The following SLC25A21 variants were observed in gnomAD, a reference collection of about 807,000 sequenced individuals.
The protein encoded by SLC25A21 is mitochondrial 2-oxodicarboxylate carrier.
SLC25A21 carries 47 observed loss-of-function variants against 43.8 expected under a neutral mutation model. The observed-to-expected ratio is 1.07, with a 90% CI of 0.85 to 1.37. The LOEUF (loss-of-function observed/expected upper bound fraction) is 1.37, where lower values mean the gene tolerates loss of function less well. Ranked by LOEUF, SLC25A21 falls within the 40% of genes most tolerant of loss-of-function variation. The pLI, the probability that SLC25A21 is intolerant of heterozygous loss-of-function variation, is 0.00. For missense variants in SLC25A21, 352 were observed against 350.2 expected (o/e 1.00, Z -0.04); for synonymous variants, 131 against 121.3 (o/e 1.08, Z -0.52).
chr14:36,810,778 C>A (rs999979456), intron 3 of SLC25A21, among the ~76,000 whole-genome samples: 4 of 149,706 alleles, frequency 2.7e-5, no homozygotes, highest in African/African-American at 4.9e-5. Context: ...TGGGACATGA[C>A]CCTTAGGAAA....
chr14:36,854,941 G>A lies in SLC25A21; in HGVS notation c.119+20015C>T, dbSNP rs986445260. Among the ~76,000 whole-genome samples the A allele has an allele frequency of 2.7e-5, 4 of 148,978 alleles. No homozygotes were observed. In the East Asian group the frequency reaches 6.0e-4, roughly 22 times the overall value. On this transcript the variant is annotated intron_variant, in intron 2 of 9. Transcript: ENST00000331299. ...TTTTCTGGGGCATGAGGTGGGGGGGGGTATTCTGCCATCCTTGGAATTGGA... is the reference window on the plus strand; with the variant it reads ...TTTTCTGGGGCATGAGGTGGGGGGGAGTATTCTGCCATCCTTGGAATTGGA...
At chr14:37,098,786 C>T (rs11850535) in intron 1 of SLC25A21, among the ~76,000 whole-genome samples, 124,681 of 139,090 alleles carry the variant, frequency 0.9, 55,574 homozygotes, top group Non-Finnish European at 0.98. Flanking sequence ...GACAGACAGA[C>T]AGATAGATAG....
At chr14:36,908,276 G>A (rs754980765) in intron 1 of SLC25A21, among the ~76,000 whole-genome samples, 33 of 152,076 alleles carry the variant, frequency 2.2e-4, no homozygotes, top group Non-Finnish European at 3.7e-4. Context: ...GTACTACTCC[G>A]GTATGGAATA....
At chr14:36,841,493 T>C (rs1486965993) in intron 2 of SLC25A21, among the ~76,000 whole-genome samples, 2 of 152,184 alleles carry the variant, frequency 1.3e-5, no homozygotes, top group Non-Finnish European at 2.9e-5. Context: ...TCCCCTTTCT[T>C]TTCATTGCTC....
intron 1 of SLC25A21, among the ~76,000 whole-genome samples, chr14:37,135,431 T>C (rs1963463917): frequency 6.6e-6 from 1 of 151,866 alleles, no homozygotes. Context: ...TTTTAATAGT[T>C]ACCCAGGCTG....
intron 7 of SLC25A21, among the ~76,000 whole-genome samples, 198 bp from the exon 8 acceptor site, chr14:36,685,123 C>T (rs537051049): frequency 6.6e-6 from 1 of 152,218 alleles, no homozygotes; most frequent in East Asian, 1.9e-4. Flanking sequence ...TACACATGGT[C>T]TAAATTGCTG....
Position 36,679,909 on chromosome 14 carries a change from G to GTGTT in SLC25A21, c.*745_*748dup, listed in dbSNP as rs1882130722. On this transcript the variant is annotated 3_prime_UTR_variant, in exon 10 of 10. Coordinates refer to ENST00000331299, the MANE Select transcript of SLC25A21 (RefSeq NM_030631.4). ...AAATTTTATTTCATGTTTCCTACTT[G>GTGTT]TGTTAGAAGAGATTTGGAATACCTT... 2 of 948,774 alleles carry GTGTT rather than the reference G, an allele frequency of 2.1e-6. No individual in the cohort carries two copies. Among genetic ancestry groups the GTGTT allele is most frequent in the African/African-American group, 1.8e-5 (1 of 56,356 alleles). The allele number at this position is 948,774 out of a possible 1,614,324, so 58.8% of individuals were successfully genotyped here.
chr14:37,128,865 T>C (rs187476846), intron 1 of SLC25A21, among the ~76,000 whole-genome samples: 2 of 152,262 alleles, frequency 1.3e-5, no homozygotes, highest in African/African-American at 4.8e-5. Context: ...TGGGATTACA[T>C]GTGTGAGCCA....
intron 2 of SLC25A21, among the ~76,000 whole-genome samples, chr14:36,814,563 A>C (rs562009867): frequency 2.8e-4 from 42 of 152,344 alleles, no homozygotes; most frequent in Non-Finnish European, 5.3e-4. Flanking sequence ...AACAAACATG[A>C]AAAAATCCTC....
intron 2 of SLC25A21, among the ~76,000 whole-genome samples, chr14:36,868,422 C>T (rs1471592013): frequency 6.6e-6 from 1 of 152,192 alleles, no homozygotes; most frequent in Non-Finnish European, 1.5e-5. Flanking sequence ...CTAAAATTAG[C>T]TGGGGACCCT....
At chr14:36,962,249 G>A (rs563441143) in intron 1 of SLC25A21, among the ~76,000 whole-genome samples, 3 of 152,162 alleles carry the variant, frequency 2.0e-5, no homozygotes, top group South Asian at 4.2e-4. Flanking sequence ...GATGTTATGG[G>A]ACACATACTG....
intron 1 of SLC25A21, among the ~76,000 whole-genome samples, chr14:36,883,075 C>T (rs2138570780): frequency 6.6e-6 from 1 of 152,220 alleles, no homozygotes; most frequent in East Asian, 1.9e-4. Context: ...TGACCTCTCC[C>T]ATCTGTTCTC....
At chr14:36,849,065 T>C (rs1889637438) in intron 2 of SLC25A21, among the ~76,000 whole-genome samples, 1 of 152,186 alleles carries the variant, frequency 6.6e-6, no homozygotes, top group Non-Finnish European at 1.5e-5. Flanking sequence ...ATCAAGGTGG[T>C]AAAGATTCTT....
At chr14:37,061,289 A>C (rs1288486768) in intron 1 of SLC25A21, among the ~76,000 whole-genome samples, 1 of 152,216 alleles carries the variant, frequency 6.6e-6, no homozygotes, top group Admixed American at 6.5e-5. Flanking sequence ...ACTGGTCCCA[A>C]GCAACAGCAT....
At chr14:37,126,606 T>C (rs1405959639) in intron 1 of SLC25A21, among the ~76,000 whole-genome samples, 1 of 152,128 alleles carries the variant, frequency 6.6e-6, no homozygotes, top group Non-Finnish European at 1.5e-5. Flanking sequence ...ATATAATACA[T>C]GCAATGTACC....
intron 1 of SLC25A21, among the ~76,000 whole-genome samples, chr14:37,072,314 T>C (rs1962190454): frequency 6.6e-6 from 1 of 152,192 alleles, no homozygotes; most frequent in Non-Finnish European, 1.5e-5. Context: ...ATACTCTGAT[T>C]TCCACAGAGC....
intron 7 of SLC25A21, among the ~76,000 whole-genome samples, chr14:36,691,475 T>C (rs1882791606): frequency 6.6e-6 from 1 of 152,224 alleles, no homozygotes; most frequent in African/African-American, 2.4e-5. Context: ...TTAGGAACTG[T>C]TTCTTGTACT....
chr14:36,740,008 A>G (rs1256736105), intron 3 of SLC25A21, among the ~76,000 whole-genome samples: 1 of 152,206 alleles, frequency 6.6e-6, no homozygotes, highest in Non-Finnish European at 1.5e-5. Context: ...CACAGGAAGA[A>G]AAGTCCTGTC....
intron 3 of SLC25A21, among the ~76,000 whole-genome samples, chr14:36,748,089 T>C (rs1444663749): frequency 2.6e-5 from 4 of 152,238 alleles, no homozygotes; most frequent in Non-Finnish European, 5.9e-5. Context: ...GTGAAACAGC[T>C]AGTAAGTGAT....
Sources: gnomAD v4.1 joint callset for allele counts (sites outside exome capture counted in the v4.1 genomes callset) on GRCh38, gnomAD v4.1.1 for gene constraint, MANE v1.5 for transcripts, NCBI Gene and HGNC (gene_info 2026-07-23, HGNC 2026-07-21) for gene names.